Variants in CDH3 observed in about 807,000 individuals in gnomAD.
CDH3 encodes cadherin-3.
Under a neutral mutation model 82.0 loss-of-function variants are expected in CDH3, and 54 were observed. The ratio of observed to expected loss-of-function variants is 0.66; its 90% CI spans 0.53 to 0.83. The LOEUF is 0.83. Among genes scored for constraint, CDH3 ranks in the 40% least tolerant of loss-of-function variants. The pLI is 0.00. For missense variants in CDH3, 1,054 were observed against 1,084.6 expected (o/e 0.97, Z 0.40); for synonymous variants, 446 against 437.9 (o/e 1.02, Z -0.23).
intron 1 of CDH3, among the ~76,000 whole-genome samples, chr16:68,711,890 CCCAGGGATGGAGGAGCAG>C (rs1271287241): frequency 6.6e-6 from 1 of 151,974 alleles, no homozygotes; most frequent in African/African-American, 2.4e-5. Context: ...CTGGGTGCAG[CCCAGGGATGGAGGAGCAG>C]CCAGTGCTCC....
intron 2 of CDH3, among the ~76,000 whole-genome samples, chr16:68,663,331 C>T (rs1384468079): frequency 5.3e-5 from 8 of 151,198 alleles, no homozygotes; most frequent in Admixed American, 2.6e-4. Context: ...CCCGGGTTCA[C>T]GCCATTCTCC....
intron 1 of CDH3, among the ~76,000 whole-genome samples, chr16:68,713,330 C>G (rs1348243524): frequency 2.0e-5 from 3 of 152,092 alleles, no homozygotes; most frequent in African/African-American, 7.2e-5. Context: ...ACAAGCATAT[C>G]GGGTTGCTCT....
At chr16:68,651,224 C>T (rs1597789159) in intron 2 of CDH3, 4 of 525,944 alleles carry the variant, frequency 7.6e-6, no homozygotes, top group South Asian at 1.5e-5. Flanking sequence ...TGCAGGGACA[C>T]GGAGGAGTTG....
In CDH3 at chr16:68,698,526, C is replaced by A; in HGVS notation, c.*126C>A. On this transcript the variant is annotated 3_prime_UTR_variant, in exon 16 of 16. Coordinates refer to ENST00000264012, the MANE Select transcript of CDH3 (RefSeq NM_001793.6). ...AGTGGCCGTAGCAACTTGGCGGAGACAGGCTATGAGTCTGACGTTAGAGTG... is the reference window on the plus strand; with the variant it reads ...AGTGGCCGTAGCAACTTGGCGGAGAAAGGCTATGAGTCTGACGTTAGAGTG... 2.5e-6 allele frequency: 2 copies of A among 802,668 alleles called. No homozygotes were observed. The highest frequency in any genetic ancestry group is 4.2e-6 in the Non-Finnish European group (2 of 481,610). The allele number at this position is 802,668 out of a possible 1,614,324, so 49.7% of individuals were successfully genotyped here. A position where few individuals can be genotyped will look rare whatever the true frequency, so the allele number is the denominator to read the frequency against.
At chr16:68,681,909 C>T (rs1231905102) in intron 8 of CDH3, among the ~76,000 whole-genome samples, 1 of 152,140 alleles carries the variant, frequency 6.6e-6, no homozygotes, top group Non-Finnish European at 1.5e-5. Flanking sequence ...GTCACATGTC[C>T]CAGAACCTCC....
downstream of CDH3, among the ~76,000 whole-genome samples, chr16:68,702,226 A>G: frequency 6.6e-6 from 1 of 151,958 alleles, no homozygotes; most frequent in Non-Finnish European, 1.5e-5. Flanking sequence ...TTTTCATAAC[A>G]TGGCATATTG....
intron 14 of CDH3, 47 bp from the exon 15 acceptor site, chr16:68,695,730 G>A (rs772117896): frequency 3.1e-6 from 5 of 1,607,812 alleles, no homozygotes; most frequent in Middle Eastern, 1.7e-4. Flanking sequence ...GCAGGGGAGT[G>A]GGGGACAGGA....
intron 2 of CDH3, among the ~76,000 whole-genome samples, chr16:68,667,877 GC>G (rs1960781023): frequency 1.3e-5 from 2 of 152,056 alleles, no homozygotes; most frequent in South Asian, 4.2e-4. Flanking sequence ...TAGAGCTCTG[GC>G]TTTTTTGTTG....
At chr16:68,673,281 A>T (rs1252293622) in intron 2 of CDH3, among the ~76,000 whole-genome samples, 1 of 152,208 alleles carries the variant, frequency 6.6e-6, no homozygotes, top group Non-Finnish European at 1.5e-5. Flanking sequence ...AAATAGGCAT[A>T]ACATAAAATG....
chr16:68,655,771 G>T (rs931754390), intron 2 of CDH3, among the ~76,000 whole-genome samples: 1 of 152,204 alleles, frequency 6.6e-6, no homozygotes, highest in Admixed American at 6.5e-5. Context: ...GCTGAGGCAG[G>T]AGAATGGCTT....
At chr16:68,669,571 T>C (rs994576110) in intron 2 of CDH3, among the ~76,000 whole-genome samples, 2 of 151,880 alleles carry the variant, frequency 1.3e-5, no homozygotes, top group Admixed American at 1.3e-4. Flanking sequence ...GGGAAGCAGA[T>C]TTTGTAGACA....
chr16:68,726,359 C>A (rs879862054), intron 2 of CDH3, among the ~76,000 whole-genome samples: 1 of 152,126 alleles, frequency 6.6e-6, no homozygotes, highest in Non-Finnish European at 1.5e-5. Context: ...GGAGCTCAGG[C>A]CATCCTCTTG....
At chr16:68,671,878 AT>A (rs1960891931) in intron 2 of CDH3, among the ~76,000 whole-genome samples, 1 of 152,064 alleles carries the variant, frequency 6.6e-6, no homozygotes, top group Non-Finnish European at 1.5e-5. Flanking sequence ...TTTAATGGCC[AT>A]TTTAGGTACC....
downstream of CDH3, among the ~76,000 whole-genome samples, chr16:68,730,901 T>A (rs1962275321): frequency 6.7e-6 from 1 of 149,204 alleles, no homozygotes; most frequent in South Asian, 2.1e-4. Context: ...ATGCCTGTAG[T>A]CCCAGCTACT....
At chr16:68,714,985 C>T (rs919535539) in intron 1 of CDH3, among the ~76,000 whole-genome samples, 2 of 151,894 alleles carry the variant, frequency 1.3e-5, no homozygotes, top group Admixed American at 6.6e-5. Flanking sequence ...CTAGCCTGGG[C>T]GATAGAACAA....
At chr16:68,700,947 A>T (rs1188535987), downstream of CDH3, among the ~76,000 whole-genome samples, 1 of 152,082 alleles carries the variant, frequency 6.6e-6, no homozygotes, top group Non-Finnish European at 1.5e-5. Flanking sequence ...TCTCCCACTG[A>T]GCTGGGGCCT....
At chr16:68,718,772 T>A (rs1322828613) in intron 1 of CDH3, among the ~76,000 whole-genome samples, 1 of 152,190 alleles carries the variant, frequency 6.6e-6, no homozygotes, top group Admixed American at 6.6e-5. Context: ...ACTCTGCTCC[T>A]AGGTATTTAC....
chr16:68,695,425 C>T, intron 14 of CDH3, 40 bp downstream of exon 14: 1 of 1,577,354 alleles, frequency 6.3e-7, no homozygotes, highest in South Asian at 1.1e-5. Context: ...GGTGGATGCC[C>T]CTAAGGCCAC....
In CDH3 at chr16:68,707,784, G is replaced by A. The variant is rs1249438404; in HGVS notation, c.99+11861G>A. Among the ~76,000 whole-genome samples the A allele has an allele frequency of 6.6e-6, 1 of 152,112 alleles. No homozygotes were observed. The highest frequency in any genetic ancestry group is 1.5e-5 in the Non-Finnish European group (1 of 68,010). On this transcript the variant is annotated intron_variant, in intron 1 of 2. Coordinates refer to the CDH3 transcript ENST00000569080. The surrounding 1 kb of genome is among the most constrained non-coding windows in gnomAD (Gnocchi z 4.5). Reference sequence around the variant, plus strand: ...GCCCTCTCCAAGTTAGAGGTGGGGTGGGAAGCCACCCCTGCATTCCCTGTA... The same window carrying A: ...GCCCTCTCCAAGTTAGAGGTGGGGTAGGAAGCCACCCCTGCATTCCCTGTA...
Sources: allele counts gnomAD v4.1 joint callset (sites outside exome capture counted in the v4.1 genomes callset), GRCh38; gene constraint gnomAD v4.1.1; non-coding constraint Gnocchi (gnomAD v3.1); transcripts MANE v1.5; gene names NCBI Gene and HGNC (gene_info 2026-07-23, HGNC 2026-07-21).